The following CASC3 variants were observed in gnomAD, a reference collection of about 807,000 sequenced individuals.
CASC3 encodes the protein CASC3 exon junction complex subunit.
Under a neutral mutation model 80.5 loss-of-function variants are expected in CASC3, and 30 were observed. That is an observed-to-expected ratio of 0.37 (90% CI 0.28 to 0.51). CASC3 has a LOEUF of 0.51. Ranked by LOEUF, CASC3 falls within the 20% of genes least tolerant of loss-of-function variation. The pLI is 0.94. For synonymous variants in CASC3, 312 were observed against 333.6 expected (o/e 0.94, Z 0.70); for missense variants, 824 against 922.2 (o/e 0.89, Z 1.38).
chr17:40,169,629 T>C lies in CASC3; in HGVS notation c.*8T>C. ...AGCAGGGGTTCCAGTTAATACAAGT[T>C]TCTGAATATTTTAAATCTTAACATC... On this transcript the variant is annotated 3_prime_UTR_variant, in exon 13 of 14. Transcript: ENST00000264645. 1 of 1,587,748 alleles carries C rather than the reference T, an allele frequency of 6.3e-7. No individual in the cohort carries two copies. The highest frequency in any genetic ancestry group is 8.6e-7 in the Non-Finnish European group (1 of 1,169,156).
intron 3 of CASC3, among the ~76,000 whole-genome samples, chr17:40,160,227 T>G (rs1598427727): frequency 6.6e-6 from 1 of 152,182 alleles, no homozygotes. Context: ...GGTACAGTGT[T>G]CATGCCTGTA....
intron 1 of CASC3, 152 bp from the exon 2 acceptor site, chr17:40,141,055 G>T (rs907930984): frequency 1.3e-6 from 1 of 748,832 alleles, no homozygotes; most frequent in Non-Finnish European, 2.3e-6. Flanking sequence ...GACCAGACCT[G>T]CCTTGGCTAC....
Position 40,171,706 on chromosome 17 carries a change from T to C in CASC3, c.*1301T>C. 9.0e-7 allele frequency: 1 copy of C among 1,111,184 alleles called. No individual in the cohort carries two copies. Among genetic ancestry groups the C allele is most frequent in the African/African-American group, 1.6e-5 (1 of 61,598 alleles). The allele number at this position is 1,111,184 out of a possible 1,614,324, so 68.8% of individuals were successfully genotyped here. On this transcript the variant is annotated 3_prime_UTR_variant, in exon 14 of 14. Coordinates refer to ENST00000264645, the MANE Select transcript of CASC3 (RefSeq NM_007359.5). Reference sequence around the variant, plus strand: ...GATTCCTATTACTGCAGTACATACGTCTGCCAGGGGTAACCTGGCCACTGT... The same window carrying C: ...GATTCCTATTACTGCAGTACATACGCCTGCCAGGGGTAACCTGGCCACTGT...
At chr17:40,168,008 C>A (rs1444486846) in intron 10 of CASC3, 60 bp downstream of exon 10, 1 of 1,515,202 alleles carries the variant, frequency 6.6e-7, no homozygotes. Context: ...TTGGGAGTGC[C>A]ACAAAACCCA....
chr17:40,165,886 C>T (rs555356346), intron 7 of CASC3, among the ~76,000 whole-genome samples: 6 of 151,894 alleles, frequency 4.0e-5, no homozygotes, highest in Non-Finnish European at 7.4e-5. Flanking sequence ...CCATCTCAGC[C>T]TCCTCAGTAG....
At position 40,171,886 on chromosome 17, in the gene CASC3, C is replaced by A. The variant is rs1989602317; in HGVS notation, c.*1481C>A. ...GGGGAGAGGCACTTAATCTGTAACC[C>A]CCAAGGAGGAAATAACTAAGAGATT... On this transcript the variant is annotated 3_prime_UTR_variant, in exon 14 of 14. Coordinates refer to ENST00000264645, the MANE Select transcript of CASC3 (RefSeq NM_007359.5). 8.2e-7 allele frequency: 1 copy of A among 1,222,180 alleles called. No homozygotes were observed. The highest frequency in any genetic ancestry group is 1.6e-5 in the African/African-American group (1 of 63,710). 75.7% of individuals were successfully genotyped at this position (1,222,180 alleles called of 1,614,324 possible). A position where few individuals can be genotyped will look rare whatever the true frequency, so the allele number is the denominator to read the frequency against.
intron 13 of CASC3, among the ~76,000 whole-genome samples, chr17:40,169,878 C>T (rs1432743151): frequency 6.8e-6 from 1 of 147,842 alleles, no homozygotes; most frequent in African/African-American, 2.5e-5. Flanking sequence ...GCCTCAGCCT[C>T]CTAAGTAGCT....
intron 5 of CASC3, 87 bp from the exon 6 acceptor site, chr17:40,162,638 C>G: frequency 7.9e-7 from 1 of 1,268,136 alleles, no homozygotes; most frequent in Non-Finnish European, 1.1e-6. Flanking sequence ...CCTATTGTCC[C>G]CCTGCCTCCC....
At chr17:40,153,259 G>A (rs1169095502) in intron 3 of CASC3, among the ~76,000 whole-genome samples, 1 of 151,990 alleles carries the variant, frequency 6.6e-6, no homozygotes, top group Non-Finnish European at 1.5e-5. Context: ...TCTGTGTCTA[G>A]CTTATTTTAC....
chr17:40,150,705 C>A (rs1400214211), intron 3 of CASC3, among the ~76,000 whole-genome samples: 2 of 152,028 alleles, frequency 1.3e-5, no homozygotes, highest in African/African-American at 4.8e-5. Context: ...GAATAAGAGG[C>A]ATTTTTTTAA....
chr17:40,164,268 A>T, intron 7 of CASC3, 102 bp downstream of exon 7: 1 of 1,000,610 alleles, frequency 1.0e-6, no homozygotes, highest in Non-Finnish European at 1.4e-6. Context: ...ACAAATGTCT[A>T]CTTCTTTTTT....
chr17:40,150,553 A>G (rs933216628), intron 3 of CASC3, among the ~76,000 whole-genome samples: 5 of 152,130 alleles, frequency 3.3e-5, no homozygotes, highest in Admixed American at 1.3e-4. Flanking sequence ...GGATGTTACT[A>G]GTAGTGATTG....
rs1988951064 is a variant in CASC3 at position 40,149,753 on chromosome 17, C to CCCG, written c.297+8147_297+8149dup. Among the ~76,000 whole-genome samples the CCCG allele has an allele frequency of 3.3e-5, 5 of 152,010 alleles. No homozygotes were observed. In the South Asian group the frequency reaches 1.0e-3, roughly 32 times the overall value. On this transcript the variant is annotated intron_variant, in intron 3 of 13. Coordinates refer to ENST00000264645, the MANE Select transcript of CASC3 (RefSeq NM_007359.5). ...GGGTGCGGTGGCTCACGCCTGTAATCCCGGCACTTTGGGAGGCCGAGGCGG... is the reference window on the plus strand; with the variant it reads ...GGGTGCGGTGGCTCACGCCTGTAATCCCGCCGGCACTTTGGGAGGCCGAGGCGG...
rs749658928 is a variant in CASC3 at position 40,162,047 on chromosome 17, A to G, written c.502A>G (p.Lys168Glu). The change falls in exon 5 of 14, where the codon AAG becomes GAG. Residue 168 changes from lysine (K) to glutamate (E), a missense_variant. Lys to Glu is a moderately conservative substitution (Grantham distance 56). This residue lies in a region of CASC3 where 201 missense variants were observed against 294.1 expected (regional missense o/e 0.68). Coordinates refer to ENST00000264645, the MANE Select transcript of CASC3 (RefSeq NM_007359.5). ...GAACAAAGTGGGTAAAAAGGGCCCTAAGCATTTGGATGATGATGAAGATCG... is the reference window on the plus strand; with the variant it reads ...GAACAAAGTGGGTAAAAAGGGCCCTGAGCATTTGGATGATGATGAAGATCG... The part of the protein sequence containing the change: ...VENKVGKKGP[K>E]HLDDDEDRKN... 1.9e-6 allele frequency: 3 copies of G among 1,613,970 alleles called. No homozygotes were observed. Among genetic ancestry groups the G allele is most frequent in the East Asian group, 2.2e-5 (1 of 44,900 alleles).
chr17:40,167,909 G>A lies in CASC3; in HGVS notation c.1711G>A (p.Gly571Ser). The change falls in exon 10 of 14, where the codon GGC becomes AGC. Residue 571 changes from glycine (G) to serine (S), a missense_variant. Gly to Ser is a moderately conservative substitution (Grantham distance 56). Around this residue, in one of 3 missense-constraint regions of CASC3, gnomAD observed 464 missense variants for 506.0 expected, o/e 0.92. Coordinates refer to ENST00000264645, the MANE Select transcript of CASC3 (RefSeq NM_007359.5). ...GDSPAPLPPQ[G>S]MLVQPGMNLP... ...CAGCCCTGCCCCGCTGCCTCCACAG[G>A]GCATGCTTGTGCAGCCAGGAATGAA... 6.2e-7 allele frequency: 1 copy of A among 1,614,068 alleles called. No homozygotes were observed. Among genetic ancestry groups the A allele is most frequent in the South Asian group, 1.1e-5 (1 of 91,090 alleles).
intron 7 of CASC3, 125 bp downstream of exon 7, chr17:40,164,291 TCTCA>T (rs1458347149): frequency 5.7e-6 from 5 of 874,668 alleles, no homozygotes; most frequent in Admixed American, 5.9e-5. Flanking sequence ...TGAGACAGAG[TCTCA>T]CTCTTTTGCC....
chr17:40,151,779 GTC>G (rs1989016626), intron 3 of CASC3, among the ~76,000 whole-genome samples: 1 of 150,876 alleles, frequency 6.6e-6, no homozygotes, highest in South Asian at 2.1e-4. Flanking sequence ...TCTACTTTCT[GTC>G]TCTGTTGATT....
Position 40,161,735 on chromosome 17 carries a change from CAG to C in CASC3, c.298-17_298-16del, listed in dbSNP as rs764204036. 1 of 1,612,336 alleles carries C rather than the reference CAG, an allele frequency of 6.2e-7. No homozygotes were observed. Among genetic ancestry groups the C allele is most frequent in the Non-Finnish European group, 8.5e-7 (1 of 1,178,946 alleles). On this transcript the variant is annotated splice_polypyrimidine_tract_variant and intron_variant, in intron 3 of 13. Transcript: ENST00000264645. ...GTTCAGATCTTATATGCATCGCTGA[CAG>C]GGAAACTTTTTTCAGGGTGAAGAAG... is the stretch of plus-strand genomic sequence containing the variant.
intron 3 of CASC3, among the ~76,000 whole-genome samples, chr17:40,145,113 G>A (rs1236683285): frequency 1.3e-5 from 2 of 151,592 alleles, no homozygotes; most frequent in Non-Finnish European, 1.5e-5. Context: ...CACCCACCTC[G>A]GCCTCCCAAG....
Sources: allele counts gnomAD v4.1 joint callset (sites outside exome capture counted in the v4.1 genomes callset), GRCh38; gene constraint gnomAD v4.1.1; regional missense constraint gnomAD v4.1.1; transcripts MANE v1.5; gene names NCBI Gene and HGNC (gene_info 2026-07-23, HGNC 2026-07-21).